The following CD6 variants were observed in gnomAD, a reference collection of about 807,000 sequenced individuals.
CD6 encodes CD6 molecule, also known as T-cell differentiation antigen CD6.
A neutral mutation model predicts 75.3 loss-of-function variants in CD6; 53 were observed. The observed-to-expected ratio is 0.70, with a 90% CI of 0.56 to 0.88. The LOEUF is 0.88. CD6 is among the 40% of genes least tolerant of loss of function. The pLI is 0.00. For synonymous variants in CD6, 359 were observed against 381.5 expected (o/e 0.94, Z 0.69); for missense variants, 770 against 897.1 (o/e 0.86, Z 1.81).
rs368349001 is a variant in CD6, at chr11:61,011,242, G to A, written c.1150+107G>A. 180 of 918,046 alleles carry A rather than the reference G, an allele frequency of 2.0e-4. 1 individual carries two copies. The highest frequency in any genetic ancestry group is 1.3e-3 in the East Asian group (47 of 37,040). The allele number at this position is 918,046 out of a possible 1,614,324, so 56.9% of individuals were successfully genotyped here. Reference sequence around the variant, plus strand: ...CTGTGTTGGGGTGGAGGATGGTTTGGTCCTCATCCTCCACCTCCAGCCAAT... The same window carrying A: ...CTGTGTTGGGGTGGAGGATGGTTTGATCCTCATCCTCCACCTCCAGCCAAT... On this transcript the variant is annotated intron_variant, in intron 6 of 12. Transcript: ENST00000313421.
At chr11:60,991,628 T>C (rs1858068435) in intron 1 of CD6, among the ~76,000 whole-genome samples, 2 of 151,640 alleles carry the variant, frequency 1.3e-5, no homozygotes, top group African/African-American at 4.9e-5. Flanking sequence ...GGGCCAGGTA[T>C]TGGGGGTTTT....
intron 1 of CD6, chr11:60,982,784 A>G: frequency 4.4e-6 from 2 of 455,460 alleles, no homozygotes; most frequent in South Asian, 3.1e-5. Flanking sequence ...CGAAGTGGGG[A>G]ACGACATGCC....
chr11:60,989,630 G>A (rs991533441), intron 1 of CD6, among the ~76,000 whole-genome samples: 1 of 152,172 alleles, frequency 6.6e-6, no homozygotes, highest in Non-Finnish European at 1.5e-5. Flanking sequence ...GAAATGCTGC[G>A]GGAGGTGAAG....
chr11:60,982,789 C>T, intron 1 of CD6: 1 of 454,986 alleles, frequency 2.2e-6, no homozygotes, highest in Non-Finnish European at 4.4e-6. Context: ...TGGGGAACGA[C>T]ATGCCCCAGG....
chr11:61,010,692 A>G (rs576931357), intron 5 of CD6, among the ~76,000 whole-genome samples: 9 of 152,276 alleles, frequency 5.9e-5, no homozygotes, highest in African/African-American at 2.2e-4. Flanking sequence ...TTGTGAGCCT[A>G]CCTGCCCAAC....
At chr11:60,980,704 A>T (rs1387646144) in intron 1 of CD6, among the ~76,000 whole-genome samples, 1 of 151,608 alleles carries the variant, frequency 6.6e-6, no homozygotes, top group East Asian at 1.9e-4. Flanking sequence ...GGTTCGGGGG[A>T]TGGGGGGCAC....
chr11:61,008,487 C>T (rs756682765), intron 3 of CD6, 47 bp from the exon 4 acceptor site: 68 of 1,497,104 alleles, frequency 4.5e-5, no homozygotes, highest in Non-Finnish European at 5.7e-5. Context: ...CCAACCCTCC[C>T]TTCCTGGTCG....
chr11:61,006,239 CT>C (rs1056013882), intron 1 of CD6, among the ~76,000 whole-genome samples: 30 of 152,200 alleles, frequency 2.0e-4, no homozygotes, highest in Non-Finnish European at 3.2e-4. Flanking sequence ...AAAATTGGGA[CT>C]GGCACAGAAA....
chr11:61,008,500 T>G, intron 3 of CD6, 34 bp from the exon 4 acceptor site: 17 of 1,523,376 alleles, frequency 1.1e-5, no homozygotes, highest in Non-Finnish European at 1.5e-5. Flanking sequence ...CCTGGTCGGG[T>G]GCCCCAGCAT....
chr11:60,998,793 A>G (rs886120265), intron 1 of CD6, among the ~76,000 whole-genome samples: 2 of 151,084 alleles, frequency 1.3e-5, no homozygotes, highest in African/African-American at 4.9e-5. Context: ...TTATTTGGGG[A>G]CTTTTAATTT....
intron 1 of CD6, among the ~76,000 whole-genome samples, chr11:60,987,020 C>T (rs890790065): frequency 1.3e-5 from 2 of 152,240 alleles, no homozygotes; most frequent in African/African-American, 4.8e-5. Flanking sequence ...CCCGGCTACT[C>T]AGGAGGCTCA....
At chr11:60,995,477 G>A (rs957247109) in intron 1 of CD6, among the ~76,000 whole-genome samples, 5 of 152,144 alleles carry the variant, frequency 3.3e-5, no homozygotes, top group Admixed American at 1.3e-4. Context: ...AATTACAGGC[G>A]TTCCCTTCTT....
chr11:60,998,218 G>A (rs765338652), intron 1 of CD6, among the ~76,000 whole-genome samples: 1 of 152,212 alleles, frequency 6.6e-6, no homozygotes, highest in Non-Finnish European at 1.5e-5. Context: ...AGTTTTCTCA[G>A]TGATGACACT....
Position 61,019,354 on chromosome 11 carries a change from C to A in CD6, c.*36C>A. The A allele has an allele frequency of 6.4e-7, 1 of 1,551,692 alleles. No individual in the cohort carries two copies. Reference sequence around the variant, plus strand: ...GCCGAGGCTCCTGGGGTGGCTCTGACCCTCTGGCCTCCTGCTCTACCTACT... The same window carrying A: ...GCCGAGGCTCCTGGGGTGGCTCTGAACCTCTGGCCTCCTGCTCTACCTACT... On this transcript the variant is annotated 3_prime_UTR_variant, in exon 13 of 13. Transcript: ENST00000313421.
chr11:61,017,917 C>A lies in CD6; in HGVS notation c.1741C>A (p.Pro581Thr). The A allele has an allele frequency of 6.2e-7, 1 of 1,614,074 alleles. No homozygotes were observed. The highest frequency in any genetic ancestry group is 8.5e-7 in the Non-Finnish European group (1 of 1,180,026). The change falls in exon 11 of 13, where the codon CCT (proline) becomes ACT (threonine). Residue 581 changes from proline to threonine, a missense_variant. By Grantham distance (38) the Pro-to-Thr change is conservative (BLOSUM62 -1). Transcript: ENST00000313421. Reference protein sequence around the residue: ...DYCNSPKSKLPPWNPQVFSSE... With the variant: ...DYCNSPKSKLTPWNPQVFSSE... ...CTGCAATAGTCCCAAAAGCAAGCTG[C>A]CTCCATGGAACCCCCAGGTGTTTTC... is the stretch of plus-strand genomic sequence containing the variant.
At chr11:61,015,315 A>G (rs114077144) in intron 8 of CD6, 2,859 of 173,418 alleles carry the variant, frequency 0.016, 98 homozygotes, top group African/African-American at 0.062. Context: ...GGATGCCTGT[A>G]GTCCCCGCAT....
chr11:60,992,903 C>G (rs747253248), intron 1 of CD6, among the ~76,000 whole-genome samples: 6 of 152,004 alleles, frequency 3.9e-5, no homozygotes, highest in Non-Finnish European at 7.4e-5. Context: ...TATTCTTCTC[C>G]TCCTCTCAGT....
At chr11:61,014,989 CT>C (rs1859335813) in intron 8 of CD6, among the ~76,000 whole-genome samples, 1 of 152,178 alleles carries the variant, frequency 6.6e-6, no homozygotes, top group East Asian at 1.9e-4. Flanking sequence ...CATAAGGCAG[CT>C]GCTCACTGAA....
chr11:60,994,254 A>C (rs184106016), intron 1 of CD6, among the ~76,000 whole-genome samples: 197 of 152,168 alleles, frequency 1.3e-3, no homozygotes, highest in African/African-American at 4.3e-3. Context: ...CAGCCTGGGC[A>C]ACACGGTGAA....
Sources: allele counts gnomAD v4.1 joint callset (sites outside exome capture counted in the v4.1 genomes callset), GRCh38; gene constraint gnomAD v4.1.1; transcripts MANE v1.5; gene names NCBI Gene and HGNC (gene_info 2026-07-23, HGNC 2026-07-21).